CNTNAP5: variants seen among roughly 807,000 people sequenced by gnomAD.
CNTNAP5 encodes contactin associated protein family member 5.
Under a neutral mutation model 150.2 loss-of-function variants are expected in CNTNAP5, and 72 were observed. The ratio of observed to expected loss-of-function variants is 0.48; its 90% CI spans 0.40 to 0.58. The LOEUF is 0.58. CNTNAP5 is among the 20% of genes least tolerant of loss of function. The pLI is 0.00. For synonymous variants in CNTNAP5, 672 were observed against 619.8 expected, an observed-to-expected ratio of 1.08 and a Z score of -1.25; for missense variants, 1,636 against 1,626.2, an observed-to-expected ratio of 1.01 and a Z score of -0.10.
chr2:124,860,274 C>T (rs977567686), intron 19 of CNTNAP5, among the ~76,000 whole-genome samples: 20 of 151,658 alleles, frequency 1.3e-4, no homozygotes, highest in South Asian at 2.1e-4. Context: ...GGTGTGAACC[C>T]GGGAGGCGGA....
chr2:124,396,351 G>T (rs1000000420), intron 3 of CNTNAP5, among the ~76,000 whole-genome samples: 3 of 152,100 alleles, frequency 2.0e-5, no homozygotes, highest in Non-Finnish European at 2.9e-5. Context: ...TTCGATATGG[G>T]GCATACAGAC....
chr2:124,513,920 T>C (rs914080799), intron 8 of CNTNAP5, among the ~76,000 whole-genome samples: 1 of 152,224 alleles, frequency 6.6e-6, no homozygotes, highest in African/African-American at 2.4e-5. Context: ...AAGCCATTTG[T>C]AGCTAGCCAC....
At chr2:124,827,496 C>G (rs768160448) in intron 19 of CNTNAP5, among the ~76,000 whole-genome samples, 1 of 152,158 alleles carries the variant, frequency 6.6e-6, no homozygotes, top group Non-Finnish European at 1.5e-5. Flanking sequence ...GCATAACCCA[C>G]GTGAACTGAG....
intron 13 of CNTNAP5, among the ~76,000 whole-genome samples, chr2:124,736,358 A>T (rs960138194): frequency 2.6e-5 from 4 of 152,182 alleles, no homozygotes; most frequent in Admixed American, 6.5e-5. Flanking sequence ...TGTACGTCAA[A>T]TTTATTTCAT....
intron 13 of CNTNAP5, among the ~76,000 whole-genome samples, chr2:124,668,110 C>T (rs1347214935): frequency 6.6e-6 from 1 of 152,172 alleles, no homozygotes; most frequent in Non-Finnish European, 1.5e-5. Context: ...TCAGGGAATT[C>T]CCTGGCCCTG....
At chr2:124,243,026 C>A (rs926963418) in intron 3 of CNTNAP5, among the ~76,000 whole-genome samples, 1 of 152,166 alleles carries the variant, frequency 6.6e-6, no homozygotes. Flanking sequence ...CAAAACAGAA[C>A]TTTCCTCCCC....
chr2:124,453,436 T>G (rs1229217195), intron 6 of CNTNAP5, among the ~76,000 whole-genome samples: 1 of 152,132 alleles, frequency 6.6e-6, no homozygotes, highest in Non-Finnish European at 1.5e-5. Flanking sequence ...AGAAGAGAAA[T>G]CTAAATGTTT....
chr2:124,316,702 C>G (rs750982580), intron 3 of CNTNAP5, among the ~76,000 whole-genome samples: 12 of 147,212 alleles, frequency 8.2e-5, no homozygotes, highest in African/African-American at 3.0e-4. Flanking sequence ...CTACTCTGGA[C>G]GCTGAGGCAG....
At chr2:124,201,197 A>G (rs1036869996) in intron 1 of CNTNAP5, among the ~76,000 whole-genome samples, 1 of 152,216 alleles carries the variant, frequency 6.6e-6, no homozygotes, top group African/African-American at 2.4e-5. Flanking sequence ...ACCTAATAGG[A>G]ACTGAGAAGG....
intron 13 of CNTNAP5, among the ~76,000 whole-genome samples, chr2:124,680,273 C>G (rs1340197904): frequency 6.6e-6 from 1 of 151,838 alleles, no homozygotes; most frequent in Non-Finnish European, 1.5e-5. Flanking sequence ...CCATGGTATT[C>G]AGTACTTTTC....
chr2:124,827,451 C>A (rs1470081085), intron 19 of CNTNAP5, among the ~76,000 whole-genome samples: 4 of 152,112 alleles, frequency 2.6e-5, no homozygotes, highest in Non-Finnish European at 5.9e-5. Flanking sequence ...TGAAAAAAGT[C>A]ATGAGATCTT....
chr2:124,598,652 T>G (rs1696894629), intron 11 of CNTNAP5, among the ~76,000 whole-genome samples: 1 of 151,076 alleles, frequency 6.6e-6, no homozygotes, highest in Non-Finnish European at 1.5e-5. Flanking sequence ...CAGGCCTCCT[T>G]GAGCTGTGGT....
chr2:124,135,245 T>A (rs1021714670), intron 1 of CNTNAP5: 1 of 152,230 alleles, frequency 6.6e-6, no homozygotes, highest in Non-Finnish European at 1.5e-5. Flanking sequence ...AGAACTCATA[T>A]CTGCTGGAGA....
intron 21 of CNTNAP5, among the ~76,000 whole-genome samples, chr2:124,902,285 T>TA (rs1678429648): frequency 6.6e-6 from 1 of 152,132 alleles, no homozygotes; most frequent in South Asian, 2.1e-4. Context: ...TCTGCTGTCA[T>TA]AAAAAACCCA....
chr2:124,287,179 C>G (rs145840820), intron 3 of CNTNAP5, among the ~76,000 whole-genome samples: 1 of 152,120 alleles, frequency 6.6e-6, no homozygotes, highest in Non-Finnish European at 1.5e-5. Context: ...CCAGGCACTG[C>G]GGTAAACATT....
chr2:124,535,882 A>G (rs1416033510), intron 10 of CNTNAP5, among the ~76,000 whole-genome samples: 2 of 152,222 alleles, frequency 1.3e-5, no homozygotes, highest in African/African-American at 4.8e-5. Context: ...AGTACAGTAA[A>G]CACTGAAAGT....
chr2:124,762,281 A>G (rs1337223461), intron 14 of CNTNAP5, among the ~76,000 whole-genome samples: 2 of 152,152 alleles, frequency 1.3e-5, no homozygotes, highest in East Asian at 1.9e-4. Flanking sequence ...GTAGGAATAT[A>G]TGTACAGGTG....
intron 1 of CNTNAP5, 113 bp from the exon 2 acceptor site, chr2:124,221,592 T>C: frequency 1.4e-6 from 1 of 707,630 alleles, no homozygotes; most frequent in Non-Finnish European, 2.4e-6. Flanking sequence ...CTGACCTTGT[T>C]CAGAGCAGGT....
intron 1 of CNTNAP5, among the ~76,000 whole-genome samples, chr2:124,191,249 A>T (rs1685450695): frequency 6.6e-6 from 1 of 152,226 alleles, no homozygotes; most frequent in Non-Finnish European, 1.5e-5. Context: ...CTGGTTGTTC[A>T]TAAACTTTTT....
Sources: allele counts gnomAD v4.1 joint callset (sites outside exome capture counted in the v4.1 genomes callset), GRCh38; gene constraint gnomAD v4.1.1; transcripts MANE v1.5; gene names NCBI Gene and HGNC (gene_info 2026-07-23, HGNC 2026-07-21).